The following ARHGAP26 variants were observed in gnomAD, a reference collection of about 807,000 sequenced individuals.
ARHGAP26 encodes Rho GTPase activating protein 26, also known as rho GTPase-activating protein 26.
ARHGAP26 carries 38 observed loss-of-function variants against 104.8 expected under a neutral mutation model. The observed-to-expected ratio is 0.36, with a 90% CI of 0.28 to 0.48. The LOEUF (loss-of-function observed/expected upper bound fraction) is 0.48, where lower values mean the gene tolerates loss of function less well. Among genes scored for constraint, ARHGAP26 ranks in the 20% least tolerant of loss-of-function variants. The probability of loss-of-function intolerance (pLI) is 0.99; values close to 1 mark genes in which losing one functional copy is unlikely to be tolerated. For synonymous variants in ARHGAP26, 341 were observed against 340.0 expected, an observed-to-expected ratio of 1.00 and a Z score of -0.03; for missense variants, 704 against 947.9, an observed-to-expected ratio of 0.74 and a Z score of 3.38.
chr5:143,091,476 C>T (rs1231199305), intron 17 of ARHGAP26, among the ~76,000 whole-genome samples: 1 of 152,146 alleles, frequency 6.6e-6, no homozygotes, highest in Non-Finnish European at 1.5e-5. Context: ...GTCCTTGGTA[C>T]CTTTTTACTG....
chr5:142,963,164 G>A (rs1096248), intron 11 of ARHGAP26, among the ~76,000 whole-genome samples: 19,785 of 73,026 alleles, frequency 0.27, 3,468 homozygotes, highest in East Asian at 0.63. Flanking sequence ...GTATTCCATG[G>A]TATATATGTA....
chr5:142,978,045 TC>T (rs1280840171), intron 11 of ARHGAP26, among the ~76,000 whole-genome samples: 2 of 152,216 alleles, frequency 1.3e-5, no homozygotes, highest in African/African-American at 4.8e-5. Flanking sequence ...TGATCCGACA[TC>T]TTGAAAATAT....
intron 20 of ARHGAP26, among the ~76,000 whole-genome samples, chr5:143,178,715 G>A (rs1026245069): frequency 2.6e-5 from 4 of 152,276 alleles, no homozygotes; most frequent in Admixed American, 1.3e-4. Context: ...CCTCACGATT[G>A]CCCCAGGAGG....
chr5:142,864,613 T>C (rs983942568), intron 1 of ARHGAP26, among the ~76,000 whole-genome samples: 1 of 152,224 alleles, frequency 6.6e-6, no homozygotes, highest in African/African-American at 2.4e-5. Flanking sequence ...TTAATTGTTA[T>C]GGTAATTAAG....
chr5:143,060,216 G>A (rs576879410), intron 17 of ARHGAP26, among the ~76,000 whole-genome samples: 5 of 152,294 alleles, frequency 3.3e-5, no homozygotes, highest in East Asian at 3.9e-4. Context: ...TCCTTCCTAA[G>A]TTTTGGTTTC....
chr5:143,151,109 A>T (rs901644755), intron 20 of ARHGAP26, among the ~76,000 whole-genome samples: 2 of 152,254 alleles, frequency 1.3e-5, no homozygotes, highest in African/African-American at 2.4e-5. Flanking sequence ...ATGAGCAAAA[A>T]ATATGAACAG....
chr5:143,040,203 C>A (rs755376564), intron 13 of ARHGAP26, among the ~76,000 whole-genome samples: 6 of 152,172 alleles, frequency 3.9e-5, no homozygotes, highest in Non-Finnish European at 5.9e-5. Context: ...AACTTGGGAC[C>A]CATCACTTAG....
At chr5:142,901,539 C>T (rs1490789840) in intron 6 of ARHGAP26, among the ~76,000 whole-genome samples, 2 of 152,188 alleles carry the variant, frequency 1.3e-5, no homozygotes, top group African/African-American at 4.8e-5. Flanking sequence ...GAAACTGAGT[C>T]AGAACCCTGG....
In ARHGAP26 at chr5:142,894,356, G is replaced by C; in HGVS notation, c.597+8G>C. 1 of 1,607,466 alleles carries C rather than the reference G, an allele frequency of 6.2e-7. No homozygotes were observed. The highest frequency in any genetic ancestry group is 1.7e-4 in the Middle Eastern group (1 of 6,052). On this transcript the variant is annotated splice_region_variant and intron_variant, in intron 6 of 22. Coordinates refer to ENST00000645722, the MANE Select transcript of ARHGAP26 (RefSeq NM_001135608.3). ...TTTGAGTTTGTGGAGCCTGTAAGTA[G>C]ATATTCAGGGTTTAATGATGTACCC...
chr5:143,216,070 T>G, intron 22 of ARHGAP26: 1 of 420,272 alleles, frequency 2.4e-6, no homozygotes, highest in South Asian at 1.7e-5. Flanking sequence ...CATTTTATGT[T>G]CCTACCTTCT....
chr5:143,198,744 A>C (rs1463564136), intron 20 of ARHGAP26, among the ~76,000 whole-genome samples: 2 of 152,214 alleles, frequency 1.3e-5, no homozygotes, highest in African/African-American at 4.8e-5. Flanking sequence ...AGAATTACTT[A>C]CCATTCCTAC....
At chr5:143,212,623 T>C (rs1809658168) in intron 21 of ARHGAP26, among the ~76,000 whole-genome samples, 1 of 152,140 alleles carries the variant, frequency 6.6e-6, no homozygotes, top group South Asian at 2.1e-4. Context: ...CTGGCCATCA[T>C]CTCTTGGCTC....
chr5:143,133,691 A>G, intron 18 of ARHGAP26, among the ~76,000 whole-genome samples: 1 of 152,224 alleles, frequency 6.6e-6, no homozygotes, highest in Non-Finnish European at 1.5e-5. Flanking sequence ...TTCCCTGGAG[A>G]GAACAATAAA....
At chr5:143,140,480 A>G (rs763243531) in intron 19 of ARHGAP26, among the ~76,000 whole-genome samples, 1 of 152,226 alleles carries the variant, frequency 6.6e-6, no homozygotes, top group Non-Finnish European at 1.5e-5. Flanking sequence ...TAAGTGAGCC[A>G]GTATATATAA....
At chr5:143,031,572 CTTT>C (rs753414022) in intron 12 of ARHGAP26, among the ~76,000 whole-genome samples, 2 of 135,356 alleles carry the variant, frequency 1.5e-5, no homozygotes, top group African/African-American at 2.7e-5. Flanking sequence ...CTACACACCT[CTTT>C]TTTTTTTTTT....
intron 10 of ARHGAP26, among the ~76,000 whole-genome samples, chr5:142,914,756 C>T (rs922343541): frequency 3.9e-5 from 6 of 152,128 alleles, no homozygotes; most frequent in Non-Finnish European, 8.8e-5. Flanking sequence ...CAGCCTTCCC[C>T]AAACCAAATT....
At chr5:142,805,252 G>A (rs147947107) in intron 1 of ARHGAP26, among the ~76,000 whole-genome samples, 188 of 152,018 alleles carry the variant, frequency 1.2e-3, no homozygotes, top group African/African-American at 4.3e-3. Context: ...ACAAGCATGT[G>A]CCACCACACC....
chr5:143,017,955 G>A (rs763789486), intron 12 of ARHGAP26, among the ~76,000 whole-genome samples: 4 of 152,114 alleles, frequency 2.6e-5, no homozygotes, highest in South Asian at 2.1e-4. Context: ...TGGTCGATCC[G>A]CAGTCCCACC....
At chr5:142,784,821 G>C (rs1393270615) in intron 1 of ARHGAP26, among the ~76,000 whole-genome samples, 1 of 151,812 alleles carries the variant, frequency 6.6e-6, no homozygotes, top group Non-Finnish European at 1.5e-5. Flanking sequence ...ATTAATATTA[G>C]CATATTTTCA....
Sources: gnomAD v4.1 joint callset for allele counts (sites outside exome capture counted in the v4.1 genomes callset) on GRCh38, gnomAD v4.1.1 for gene constraint, MANE v1.5 for transcripts, NCBI Gene and HGNC (gene_info 2026-07-23, HGNC 2026-07-21) for gene names.